The following HECW1 variants were observed in gnomAD, a reference collection of about 807,000 sequenced individuals.
HECW1 encodes HECT, C2 and WW domain containing E3 ubiquitin protein ligase 1.
In HECW1, 61 loss-of-function variants were observed where a neutral mutation model predicts 182.3. The observed-to-expected ratio is 0.33, with a 90% CI of 0.27 to 0.41. HECW1 has a LOEUF of 0.41. Among genes scored for constraint, HECW1 ranks in the 10% least tolerant of loss-of-function variants. The pLI is 1.00. For synonymous variants in HECW1, 859 were observed against 832.6 expected (o/e 1.03, Z -0.55); for missense variants, 1,739 against 2,108.9 (o/e 0.82, Z 3.44).
chr7:43,345,799 T>TATAC (rs1562866277), intron 5 of HECW1, among the ~76,000 whole-genome samples: 1 of 150,676 alleles, frequency 6.6e-6, no homozygotes, highest in Non-Finnish European at 1.5e-5. Context: ...ATCATATATA[T>TATAC]ACACACACAC....
intron 24 of HECW1, among the ~76,000 whole-genome samples, chr7:43,537,669 C>A (rs1563102626): frequency 6.6e-6 from 1 of 152,132 alleles, no homozygotes; most frequent in Non-Finnish European, 1.5e-5. Flanking sequence ...CAAATATGCC[C>A]CAGATCATAG....
At chr7:43,417,778 G>T (rs1455421810) in intron 8 of HECW1, among the ~76,000 whole-genome samples, 3 of 152,112 alleles carry the variant, frequency 2.0e-5, no homozygotes, top group African/African-American at 7.2e-5. Context: ...TTAAATCATT[G>T]TTGCTTTCCT....
At chr7:43,529,417 T>C (rs945514851) in intron 24 of HECW1, among the ~76,000 whole-genome samples, 1 of 152,194 alleles carries the variant, frequency 6.6e-6, no homozygotes, top group African/African-American at 2.4e-5. Flanking sequence ...TAGTTTTCTA[T>C]AGCTCTAGCC....
intron 27 of HECW1, among the ~76,000 whole-genome samples, chr7:43,551,548 T>G (rs2081827523): frequency 6.6e-6 from 1 of 152,232 alleles, no homozygotes; most frequent in African/African-American, 2.4e-5. Context: ...TTCAAAGTGA[T>G]GTGGACTCTT....
intron 8 of HECW1, among the ~76,000 whole-genome samples, chr7:43,417,131 A>G (rs2076037757): frequency 6.6e-6 from 1 of 151,782 alleles, no homozygotes; most frequent in Admixed American, 6.6e-5. Flanking sequence ...GCTCACTGCA[A>G]CCTCCACCTC....
At chr7:43,164,951 G>C (rs968878726) in intron 2 of HECW1, among the ~76,000 whole-genome samples, 1 of 152,214 alleles carries the variant, frequency 6.6e-6, no homozygotes, top group African/African-American at 2.4e-5. Flanking sequence ...GCAGAAGGAT[G>C]AATCAGTGGT....
At chr7:43,361,888 C>A (rs1446922672) in intron 6 of HECW1, among the ~76,000 whole-genome samples, 4 of 139,886 alleles carry the variant, frequency 2.9e-5, no homozygotes, top group Non-Finnish European at 6.1e-5. Flanking sequence ...CGCCTGTAAT[C>A]CCAACACTTT....
chr7:43,445,538 C>A lies in HECW1; in HGVS notation c.2366C>A (p.Ser789Tyr), dbSNP rs370000752. Residue 789 changes from serine to tyrosine, a missense_variant, in exon 11 of 30, where the codon TCC (serine) becomes TAC (tyrosine). By Grantham distance (144) the Ser-to-Tyr change is moderately radical (BLOSUM62 -2). Transcript: ENST00000395891. The stretch of plus-strand genomic sequence containing the variant: ...GAAAGAAGCCCGGAAGGTCTGGAAT[C>A]CCCCGTGGCAGGTCCAAGCAATCGG... ...HVERSPEGLE[S>Y]PVAGPSNRRE... The A allele has an allele frequency of 1.3e-4, 210 of 1,602,888 alleles. No homozygotes were observed. Among genetic ancestry groups the A allele is most frequent in the Non-Finnish European group, 5.3e-5 (62 of 1,172,626 alleles).
intron 3 of HECW1, among the ~76,000 whole-genome samples, chr7:43,301,257 T>G (rs1224819421): frequency 6.6e-6 from 1 of 152,320 alleles, no homozygotes; most frequent in East Asian, 1.9e-4. Context: ...CTAGTAAAGA[T>G]ACGCTTTTCC....
chr7:43,242,150 G>T (rs1205100620), intron 2 of HECW1, among the ~76,000 whole-genome samples: 1 of 152,186 alleles, frequency 6.6e-6, no homozygotes, highest in Non-Finnish European at 1.5e-5. Flanking sequence ...TAGAGCTTTA[G>T]CCTAAAGGAA....
intron 6 of HECW1, among the ~76,000 whole-genome samples, chr7:43,381,478 T>G (rs925246434): frequency 5.4e-5 from 8 of 146,898 alleles, no homozygotes; most frequent in African/African-American, 2.1e-4. Context: ...CATGCTACCA[T>G]GCATGGCTAA....
Position 43,173,193 on chromosome 7 carries a change from T to A in HECW1, c.-32+58802T>A, listed in dbSNP as rs1791859584. On this transcript the variant is annotated intron_variant, in intron 2 of 29. Coordinates refer to ENST00000395891, the MANE Select transcript of HECW1 (RefSeq NM_015052.5). ...TTTCAGATGTATGATACCATTCTAG[T>A]CACATCTGAGTCACCTGCAAATGGT... 2.0e-5 allele frequency among the ~76,000 whole-genome samples: 3 copies of A among 152,286 alleles called. No homozygotes were observed. In the South Asian group the frequency reaches 6.2e-4, roughly 32 times the overall value.
chr7:43,336,343 A>C (rs116835837), intron 5 of HECW1, among the ~76,000 whole-genome samples: 1 of 151,172 alleles, frequency 6.6e-6, no homozygotes, highest in Non-Finnish European at 1.5e-5. Flanking sequence ...TTAAAAAAAA[A>C]TTTTTTTTAG....
Position 43,565,864 on chromosome 7 carries a change from C to T in HECW1, c.*3938C>T, listed in dbSNP as rs1002839286. On this transcript the variant is annotated 3_prime_UTR_variant, in exon 30 of 30. Coordinates refer to ENST00000395891, the MANE Select transcript of HECW1 (RefSeq NM_015052.5). ...ATTTTGTTCAAAAGTCTGTTCTAGTCAATAGCAGGAGAAGTCCACGTTATT... is the reference window on the plus strand; with the variant it reads ...ATTTTGTTCAAAAGTCTGTTCTAGTTAATAGCAGGAGAAGTCCACGTTATT... The T allele has an allele frequency of 5.3e-6, 1 of 190,126 alleles. No homozygotes were observed. Among genetic ancestry groups the T allele is most frequent in the African/African-American group, 2.3e-5 (1 of 42,868 alleles). The allele number at this position is 190,126 out of a possible 1,614,324, so 11.8% of individuals were successfully genotyped here.
intron 24 of HECW1, among the ~76,000 whole-genome samples, chr7:43,534,108 C>T (rs921847340): frequency 2.0e-5 from 3 of 152,242 alleles, no homozygotes; most frequent in East Asian, 1.9e-4. Context: ...CTGAGGGTTT[C>T]GCTCAATTTT....
intron 3 of HECW1, among the ~76,000 whole-genome samples, chr7:43,307,240 A>C (rs527823722): frequency 1.3e-5 from 2 of 152,354 alleles, no homozygotes; most frequent in African/African-American, 4.8e-5. Flanking sequence ...ACGTGATTAC[A>C]ACCAATAACT....
At chr7:43,550,737 C>A in intron 27 of HECW1, 146 bp downstream of exon 27, 1 of 755,546 alleles carries the variant, frequency 1.3e-6, no homozygotes, top group Non-Finnish European at 2.1e-6. Context: ...TCAGCGAGTG[C>A]TCCTCACCAG....
intron 7 of HECW1, among the ~76,000 whole-genome samples, chr7:43,402,243 A>G (rs1463310388): frequency 1.3e-5 from 2 of 152,218 alleles, no homozygotes; most frequent in African/African-American, 4.8e-5. Context: ...CGCAGATGGC[A>G]GAGCTAAAGG....
At chr7:43,164,196 T>G (rs937587146) in intron 2 of HECW1, among the ~76,000 whole-genome samples, 1 of 152,188 alleles carries the variant, frequency 6.6e-6, no homozygotes, top group Non-Finnish European at 1.5e-5. Context: ...CCGAGTCATC[T>G]GGTCTGCATG....
Sources: allele counts gnomAD v4.1 joint callset (sites outside exome capture counted in the v4.1 genomes callset), GRCh38; gene constraint gnomAD v4.1.1; transcripts MANE v1.5; gene names NCBI Gene and HGNC (gene_info 2026-07-23, HGNC 2026-07-21).